Variants in ELAPOR1 observed in about 807,000 individuals in gnomAD.
ELAPOR1 encodes endosome/lysosome-associated apoptosis and autophagy regulator 1.
In ELAPOR1, 77 loss-of-function variants were observed where a neutral mutation model predicts 119.7. The observed-to-expected ratio is 0.64, with a 90% CI of 0.54 to 0.78. The LOEUF (loss-of-function observed/expected upper bound fraction) is 0.78, where lower values mean the gene tolerates loss of function less well. Among genes scored for constraint, ELAPOR1 ranks in the 30% least tolerant of loss-of-function variants. The pLI, the probability that ELAPOR1 is intolerant of heterozygous loss-of-function variation, is 0.00. For missense variants in ELAPOR1, 1,115 were observed against 1,270.4 expected (o/e 0.88, Z 1.86); for synonymous variants, 481 against 487.2 (o/e 0.99, Z 0.17).
intron 16 of ELAPOR1, 55 bp downstream of exon 16, chr1:109,197,709 GTGTGTA>G: frequency 6.6e-6 from 10 of 1,521,770 alleles, no homozygotes; most frequent in Non-Finnish European, 8.9e-6. Flanking sequence ...GTGTGTGTGT[GTGTGTA>G]TGTGTAAGAG....
At chr1:109,200,613 A>G in intron 20 of ELAPOR1, 122 bp from the exon 21 acceptor site, 1 of 886,880 alleles carries the variant, frequency 1.1e-6, no homozygotes. Context: ...CCATTTTACC[A>G]TGCTTCAGTC....
At chr1:109,197,720 T>C in intron 16 of ELAPOR1, 66 bp downstream of exon 16, 2 of 1,487,868 alleles carry the variant, frequency 1.3e-6, no homozygotes, top group Non-Finnish European at 1.8e-6. Flanking sequence ...TGTGTATGTG[T>C]AAGAGAGTGT....
intron 7 of ELAPOR1, among the ~76,000 whole-genome samples, chr1:109,177,935 G>A (rs1652446353): frequency 1.3e-5 from 2 of 151,812 alleles, no homozygotes; most frequent in South Asian, 4.2e-4. Flanking sequence ...CTGAATTCTT[G>A]GAATCTATTT....
intron 1 of ELAPOR1, among the ~76,000 whole-genome samples, chr1:109,147,457 G>A (rs976649241): frequency 6.6e-6 from 1 of 152,126 alleles, no homozygotes; most frequent in Non-Finnish European, 1.5e-5. Context: ...GTGTGTGGGG[G>A]TGTGGAAAAA....
chr1:109,198,441 C>CT lies in ELAPOR1; in HGVS notation c.2400-131dup. 3 of 737,056 alleles carry CT rather than the reference C, an allele frequency of 4.1e-6. No homozygotes were observed. In the South Asian group the frequency reaches 5.2e-5, roughly 13 times the overall value. 45.7% of individuals were successfully genotyped at this position (737,056 alleles called of 1,614,324 possible). A position where few individuals can be genotyped will look rare whatever the true frequency, so the allele number is the denominator to read the frequency against. On this transcript the variant is annotated intron_variant, in intron 17 of 21. Transcript: ENST00000369939. ...GTATAAACCAAGGCCTGTGCACTCC[C>CT]TGTGTGCCAGGCTAAAGCCCAAGTC...
In ELAPOR1 at chr1:109,191,807, GA is replaced by G; in HGVS notation, c.1628del (p.Glu543GlyfsTer39). ...GKQSYTYIIE[E>X]NTTTSFTWAF... is the part of the protein sequence containing the mutation. ...ACAGTCCTATACCTACATCATTGAG[GA>G]GAACACTACCACGAGCTTCACCTGG... On this transcript the variant is annotated frameshift_variant, in exon 13 of 22. Coordinates refer to ENST00000369939, the MANE Select transcript of ELAPOR1 (RefSeq NM_020775.5). LOFTEE classifies it high-confidence loss of function. 6.2e-7 allele frequency: 1 copy of G among 1,614,214 alleles called. No homozygotes were observed. The highest frequency in any genetic ancestry group is 1.1e-5 in the South Asian group (1 of 91,080).
chr1:109,200,903 A>G lies in ELAPOR1; in HGVS notation c.2973+3A>G. 2.5e-6 allele frequency: 4 copies of G among 1,612,996 alleles called. No homozygotes were observed. Among genetic ancestry groups the G allele is most frequent in the Non-Finnish European group, 3.4e-6 (4 of 1,179,396 alleles). The stretch of plus-strand genomic sequence containing the variant: ...AGATCAAATCATTTACCTCCAAGGT[A>G]GGGGTCCTGGCCAGTGCACTGAGGT... On this transcript the variant is annotated splice_donor_region_variant and intron_variant, in intron 21 of 21. Coordinates refer to ENST00000369939, the MANE Select transcript of ELAPOR1 (RefSeq NM_020775.5).
rs143945819 is a variant in ELAPOR1, at chr1:109,181,838, C to T, written c.953-3207C>T. 2.4e-4 allele frequency among the ~76,000 whole-genome samples: 37 copies of T among 152,134 alleles called. No individual in the cohort carries two copies. In the East Asian group the frequency reaches 5.2e-3, roughly 21 times the overall value. On this transcript the variant is annotated intron_variant, in intron 7 of 21. Coordinates refer to ENST00000369939, the MANE Select transcript of ELAPOR1 (RefSeq NM_020775.5). ...CCTGTCCAGCCTAATAAGACAGAGA[C>T]AGAAGAGGTATGGAGATGTGCAGTT...
chr1:109,189,262 T>C, intron 10 of ELAPOR1, 68 bp downstream of exon 10: 1 of 1,547,060 alleles, frequency 6.5e-7, no homozygotes, highest in Non-Finnish European at 8.8e-7. Context: ...CAACTTCACA[T>C]TTCTTCATAA....
rs561708067 is a variant in ELAPOR1, at chr1:109,171,907, C to G, written c.509C>G (p.Thr170Arg). ...VPRGDYIASN[T>R]DECTATLMYA... The stretch of plus-strand genomic sequence containing the variant: ...CGGGGCGACTACATCGCCTCCAACA[C>G]GGACGAATGCACAGCCACACTGATG... Residue 170 changes from threonine (T) to arginine (R), a missense_variant, in exon 4 of 22, where the codon ACG (threonine) becomes AGG (arginine). Coordinates refer to ENST00000369939, the MANE Select transcript of ELAPOR1 (RefSeq NM_020775.5). 2 of 1,614,220 alleles carry G rather than the reference C, an allele frequency of 1.2e-6. No individual in the cohort carries two copies. The highest frequency in any genetic ancestry group is 8.5e-7 in the Non-Finnish European group (1 of 1,180,040).
chr1:109,151,947 C>T (rs1650559653), intron 1 of ELAPOR1, among the ~76,000 whole-genome samples: 1 of 151,200 alleles, frequency 6.6e-6, no homozygotes. Flanking sequence ...GATCACGGCT[C>T]ACTGCAGCCT....
chr1:109,183,172 CA>C (rs1379403536), intron 7 of ELAPOR1, among the ~76,000 whole-genome samples: 1 of 150,328 alleles, frequency 6.7e-6, no homozygotes, highest in African/African-American at 2.4e-5. Flanking sequence ...TTTTTAAAAT[CA>C]AAAAAAGTTA....
chr1:109,172,665 A>G (rs1651993206), intron 5 of ELAPOR1, 97 bp downstream of exon 5: 5 of 829,594 alleles, frequency 6.0e-6, no homozygotes, highest in South Asian at 1.4e-5. Flanking sequence ...CTCCACCCCA[A>G]TGTCCCTGGA....
Position 109,152,527 on chromosome 1 carries a change from T to C in ELAPOR1, c.154-9367T>C, listed in dbSNP as rs557623063. On this transcript the variant is annotated intron_variant, in intron 1 of 21. Transcript: ENST00000369939. ...GGGGAGGTAGGGAAGTTGTTCCCTTTTTCCCAATAGTCTTTGGGTAGTTAT... is the reference window on the plus strand; with the variant it reads ...GGGGAGGTAGGGAAGTTGTTCCCTTCTTCCCAATAGTCTTTGGGTAGTTAT... 3.9e-5 allele frequency among the ~76,000 whole-genome samples: 6 copies of C among 152,288 alleles called. No homozygotes were observed. The East Asian group carries it at 1.2e-3, about 29-fold the overall frequency.
At chr1:109,172,042 G>C in intron 4 of ELAPOR1, 29 bp downstream of exon 4, 6 of 1,613,640 alleles carry the variant, frequency 3.7e-6, no homozygotes, top group Non-Finnish European at 5.1e-6. Flanking sequence ...TGGAGGGTGG[G>C]AGCTAAAAAG....
chr1:109,141,130 G>A (rs1209603024), intron 1 of ELAPOR1, among the ~76,000 whole-genome samples: 1 of 152,120 alleles, frequency 6.6e-6, no homozygotes, highest in African/African-American at 2.4e-5. Context: ...GGGATTACAG[G>A]CATGAGCCAT....
chr1:109,177,260 C>T (rs1262939691), intron 7 of ELAPOR1, among the ~76,000 whole-genome samples: 13 of 142,800 alleles, frequency 9.1e-5, no homozygotes, highest in Admixed American at 1.4e-4. Context: ...CCCTCCCGGA[C>T]GGGGCGGCTG....
chr1:109,141,268 A>AT (rs1649808298), intron 1 of ELAPOR1, among the ~76,000 whole-genome samples: 1 of 145,458 alleles, frequency 6.9e-6, no homozygotes, highest in Non-Finnish European at 1.5e-5. Flanking sequence ...ATTATTAATT[A>AT]ATTTTTTTTT....
Position 109,203,050 on chromosome 1 carries a change from T to C in ELAPOR1, c.*38T>C, listed in dbSNP as rs372987369. On this transcript the variant is annotated 3_prime_UTR_variant, in exon 22 of 22. Transcript: ENST00000369939. The stretch of plus-strand genomic sequence containing the variant: ...GCCTCACCTGCCTCCTCACCTTGCA[T>C]AGCACCTTTGCAAGCCTGCGGCGAT... 9 of 1,443,786 alleles carry C rather than the reference T, an allele frequency of 6.2e-6. No individual in the cohort carries two copies. The highest frequency in any genetic ancestry group is 2.3e-5 in the East Asian group (1 of 43,696). 89.4% of individuals were successfully genotyped at this position (1,443,786 alleles called of 1,614,324 possible).
Sources: allele counts gnomAD v4.1 joint callset (sites outside exome capture counted in the v4.1 genomes callset), GRCh38; gene constraint gnomAD v4.1.1; transcripts MANE v1.5; gene names NCBI Gene and HGNC (gene_info 2026-07-23, HGNC 2026-07-21).